Variants in IDH3A observed in about 807,000 individuals in gnomAD.
The protein encoded by IDH3A is isocitrate dehydrogenase [NAD] subunit alpha, mitochondrial.
IDH3A carries 23 observed loss-of-function variants against 43.3 expected under a neutral mutation model. The observed-to-expected ratio is 0.53, with a 90% CI of 0.38 to 0.75. The LOEUF is 0.75. IDH3A is among the 30% of genes least tolerant of loss of function. The probability of loss-of-function intolerance (pLI) is 0.00; values close to 1 mark genes in which losing one functional copy is unlikely to be tolerated. For synonymous variants in IDH3A, 154 were observed against 163.5 expected (o/e 0.94, Z 0.44); for missense variants, 329 against 474.4 (o/e 0.69, Z 2.85).
intron 2 of IDH3A, among the ~76,000 whole-genome samples, chr15:78,156,237 T>G (rs1231917337): frequency 6.6e-6 from 1 of 152,242 alleles, no homozygotes; most frequent in Admixed American, 6.5e-5. Flanking sequence ...ATTATTTAAT[T>G]TTCAGGCTAT....
chr15:78,167,192 C>T (rs1400869665), intron 10 of IDH3A, among the ~76,000 whole-genome samples: 2 of 152,150 alleles, frequency 1.3e-5, no homozygotes, highest in Non-Finnish European at 2.9e-5. Context: ...ACTTATGCAA[C>T]TTTTAAGTTC....
In IDH3A at chr15:78,171,250, C is replaced by G; in HGVS notation, c.*2245C>G. The G allele has an allele frequency of 2.0e-6, 1 of 496,238 alleles. No homozygotes were observed. The highest frequency in any genetic ancestry group is 3.3e-5 in the East Asian group (1 of 30,502). 30.7% of individuals were successfully genotyped at this position (496,238 alleles called of 1,614,324 possible). ...TTAAACTGAATTAAAACTACCCACA[C>G]GTGAAGCTTCTTGGAATTGTCAGCT... On this transcript the variant is annotated 3_prime_UTR_variant, in exon 11 of 11. Coordinates refer to ENST00000299518, the MANE Select transcript of IDH3A (RefSeq NM_005530.3).
chr15:78,166,576 A>G, intron 10 of IDH3A: 1 of 381,620 alleles, frequency 2.6e-6, no homozygotes, highest in East Asian at 4.9e-5. Context: ...GTGGTTTGGG[A>G]GGCAGCATCA....
At chr15:78,154,282 C>T (rs1449810751) in intron 1 of IDH3A, among the ~76,000 whole-genome samples, 1 of 151,302 alleles carries the variant, frequency 6.6e-6, no homozygotes, top group East Asian at 1.9e-4. Context: ...TTTCCTAGTC[C>T]CAGCAAACTG....
chr15:78,149,859 C>T (rs74024174), intron 1 of IDH3A, among the ~76,000 whole-genome samples: 14,440 of 152,318 alleles, frequency 0.095, 1,384 homozygotes, highest in African/African-American at 0.24. Context: ...CTGCCCACAC[C>T]TCTCATCCGC....
At chr15:78,163,483 C>T (rs553172784) in intron 6 of IDH3A, 24 bp from the exon 7 acceptor site, 27 of 1,486,496 alleles carry the variant, frequency 1.8e-5, no homozygotes, top group Middle Eastern at 1.9e-4. Flanking sequence ...TTTTTTTCAG[C>T]AGTTTTTATT....
In IDH3A at chr15:78,165,062, G is replaced by A; in HGVS notation, c.850G>A (p.Ala284Thr). The A allele has an allele frequency of 6.2e-7, 1 of 1,613,196 alleles. No homozygotes were observed. The highest frequency in any genetic ancestry group is 8.5e-7 in the Non-Finnish European group (1 of 1,179,196). ...PSGNIGANGV[A>T]IFESVHGTAP... ...TGGCAACATTGGAGCCAATGGGGTT[G>A]CAATTTTTGAGTCGGTAAGGACCCT... The change falls in exon 9 of 11, where the codon GCA (alanine) becomes ACA (threonine). Residue 284 changes from alanine to threonine, a missense_variant. This residue lies in a region of IDH3A where 91 missense variants were observed against 111.6 expected (regional missense o/e 0.82). Coordinates refer to ENST00000299518, the MANE Select transcript of IDH3A (RefSeq NM_005530.3).
intron 2 of IDH3A, among the ~76,000 whole-genome samples, chr15:78,156,638 T>C (rs1176398602): frequency 6.6e-6 from 1 of 152,220 alleles, no homozygotes; most frequent in Non-Finnish European, 1.5e-5. Context: ...TTTTTAAAAA[T>C]GCAGTTCAAG....
chr15:78,171,536 G>A lies in IDH3A; in HGVS notation c.*2531G>A. 1 of 1,613,406 alleles carries A rather than the reference G, an allele frequency of 6.2e-7. No homozygotes were observed. Among genetic ancestry groups the A allele is most frequent in the Non-Finnish European group, 8.5e-7 (1 of 1,179,364 alleles). ...TTCAGTTTCATCGTGGGACCTAAAA[G>A]GGAAATGAGAAGAAATGAGTGAGGC... is the stretch of plus-strand genomic sequence containing the variant. On this transcript the variant is annotated 3_prime_UTR_variant, in exon 11 of 11. Transcript: ENST00000299518.
chr15:78,155,265 T>G lies in IDH3A; in HGVS notation c.80T>G (p.Phe27Cys). 1 of 1,610,860 alleles carries G rather than the reference T, an allele frequency of 6.2e-7. No individual in the cohort carries two copies. Among genetic ancestry groups the G allele is most frequent in the East Asian group, 2.2e-5 (1 of 44,852 alleles). ...FHNPKQVTRG[F>C]TGGVQTVTLI... Reference sequence around the variant, plus strand: ...AACCCAAAACAGGTGACCAGAGGTTTTACTGGTGGTGTGAGTATAATTATG... The same window carrying G: ...AACCCAAAACAGGTGACCAGAGGTTGTACTGGTGGTGTGAGTATAATTATG... The change falls in exon 2 of 11, where the codon TTT becomes TGT. Residue 27 changes from phenylalanine (F) to cysteine (C), a missense_variant. Around this residue, in one of 3 missense-constraint regions of IDH3A, gnomAD observed 212 missense variants for 345.5 expected, o/e 0.61. Transcript: ENST00000299518.
chr15:78,156,711 G>T (rs1474520615), intron 2 of IDH3A, among the ~76,000 whole-genome samples: 1 of 152,156 alleles, frequency 6.6e-6, no homozygotes, highest in African/African-American at 2.4e-5. Flanking sequence ...AATAAAATAT[G>T]TGGTTCCCAA....
chr15:78,151,256 C>T (rs1014549367), intron 1 of IDH3A: 17 of 152,166 alleles, frequency 1.1e-4, no homozygotes, highest in African/African-American at 3.6e-4. Flanking sequence ...CGGTTTCAAT[C>T]AGGACAGTTC....
intron 3 of IDH3A, 128 bp downstream of exon 3, chr15:78,157,759 C>T (rs1370418669): frequency 1.1e-5 from 7 of 610,780 alleles, no homozygotes; most frequent in Non-Finnish European, 2.0e-5. Context: ...TGTTGTTAAT[C>T]TCCACCGATT....
Position 78,169,697 on chromosome 15 carries a change from T to C in IDH3A, c.*692T>C, listed in dbSNP as rs183417040. On this transcript the variant is annotated 3_prime_UTR_variant, in exon 11 of 11. Transcript: ENST00000299518. ...AAATGTATTGTGTGTTCAATTATTTTGTTGTCTTGAGATTTAATATTCTTT... is the reference window on the plus strand; with the variant it reads ...AAATGTATTGTGTGTTCAATTATTTCGTTGTCTTGAGATTTAATATTCTTT... 213 of 152,324 alleles carry C rather than the reference T, an allele frequency of 1.4e-3. No individual in the cohort carries two copies. Among genetic ancestry groups the C allele is most frequent in the African/African-American group, 4.8e-3 (200 of 41,558 alleles). The allele number at this position is 152,324 out of a possible 1,614,324, so 9.4% of individuals were successfully genotyped here.
chr15:78,165,811 C>T (rs2074734509), intron 9 of IDH3A, among the ~76,000 whole-genome samples: 4 of 152,106 alleles, frequency 2.6e-5, no homozygotes, highest in Admixed American at 2.6e-4. Context: ...GCCTCAGCCT[C>T]CCAAGTAGCT....
intron 4 of IDH3A, among the ~76,000 whole-genome samples, chr15:78,160,961 A>C (rs984220024): frequency 5.3e-5 from 8 of 152,108 alleles, no homozygotes; most frequent in African/African-American, 1.9e-4. Flanking sequence ...GGCTCACTAC[A>C]ACCTCCGCCT....
Position 78,171,327 on chromosome 15 carries a change from G to T in IDH3A, c.*2322G>T. ...TAGAGCCAGTGCTGTGCCCTGACCT[G>T]GAGATCTAACAGACTTGGCAGAAAT... On this transcript the variant is annotated 3_prime_UTR_variant, in exon 11 of 11. Transcript: ENST00000299518. 1.3e-6 allele frequency: 1 copy of T among 751,616 alleles called. No homozygotes were observed. Among genetic ancestry groups the T allele is most frequent in the Non-Finnish European group, 2.2e-6 (1 of 456,010 alleles). The allele number at this position is 751,616 out of a possible 1,614,324, so 46.6% of individuals were successfully genotyped here. A position where few individuals can be genotyped will look rare whatever the true frequency, so the allele number is the denominator to read the frequency against.
chr15:78,150,435 GTTTGATACTAC>G (rs1289194089), intron 1 of IDH3A, among the ~76,000 whole-genome samples: 35 of 152,176 alleles, frequency 2.3e-4, no homozygotes, highest in Non-Finnish European at 1.5e-5. Context: ...TTTTCTGTAA[GTTTGATACTAC>G]TTTTCTCCCA....
chr15:78,169,866 G>C lies in IDH3A; in HGVS notation c.*861G>C, dbSNP rs2074798104. Reference sequence around the variant, plus strand: ...TGTAAACTTATTCTTGCATGTTGCTGTCTGGGAATGGACCACACTACAGCA... The same window carrying C: ...TGTAAACTTATTCTTGCATGTTGCTCTCTGGGAATGGACCACACTACAGCA... On this transcript the variant is annotated 3_prime_UTR_variant, in exon 11 of 11. Transcript: ENST00000299518. 1 of 152,222 alleles carries C rather than the reference G, an allele frequency of 6.6e-6. No homozygotes were observed. The highest frequency in any genetic ancestry group is 2.4e-5 in the African/African-American group (1 of 41,454). 9.4% of individuals were successfully genotyped at this position (152,222 alleles called of 1,614,324 possible).
Sources: allele counts gnomAD v4.1 joint callset (sites outside exome capture counted in the v4.1 genomes callset), GRCh38; gene constraint gnomAD v4.1.1; regional missense constraint gnomAD v4.1.1; transcripts MANE v1.5; gene names NCBI Gene and HGNC (gene_info 2026-07-23, HGNC 2026-07-21).